PHTF1: variants seen among roughly 807,000 people sequenced by gnomAD.
PHTF1 encodes the protein putative homeodomain transcription factor 1.
A neutral mutation model predicts 102.4 loss-of-function variants in PHTF1; 88 were observed. That is an observed-to-expected ratio of 0.86 (90% CI 0.72 to 1.03). The LOEUF is 1.03. Ranked by LOEUF, PHTF1 falls within the 50% of genes least tolerant of loss-of-function variation. The pLI is 0.00. For synonymous variants in PHTF1, 289 were observed against 305.2 expected (o/e 0.95, Z 0.55); for missense variants, 814 against 909.5 (o/e 0.89, Z 1.35).
chr1:113,731,902 TAAAAAAAA>T (rs562312013), intron 5 of PHTF1, among the ~76,000 whole-genome samples: 3 of 109,328 alleles, frequency 2.7e-5, no homozygotes, highest in South Asian at 2.8e-4. Context: ...GTCTCAATTT[TAAAAAAAA>T]AAAAAAAAAA....
intron 16 of PHTF1, 58 bp from the exon 17 acceptor site, chr1:113,699,857 T>A: frequency 1.3e-6 from 1 of 742,268 alleles, no homozygotes; most frequent in Non-Finnish European, 2.2e-6. Flanking sequence ...ATATACTGCA[T>A]AAAATCTGGC....
At chr1:113,755,401 A>G (rs1377853338) in intron 3 of PHTF1, among the ~76,000 whole-genome samples, 3 of 152,200 alleles carry the variant, frequency 2.0e-5, no homozygotes, top group Admixed American at 1.3e-4. Flanking sequence ...CACCTAGTAC[A>G]AGAGTGGCAC....
intron 7 of PHTF1, among the ~76,000 whole-genome samples, chr1:113,723,341 A>T (rs1230641): frequency 0.012 from 1,859 of 152,072 alleles, 48 homozygotes; most frequent in African/African-American, 0.043. Context: ...CCACGCCCGG[A>T]TAATTCTTGT....
chr1:113,737,407 C>T (rs980861580), intron 5 of PHTF1, among the ~76,000 whole-genome samples: 2 of 152,224 alleles, frequency 1.3e-5, no homozygotes, highest in African/African-American at 4.8e-5. Flanking sequence ...GTCTGAAGTG[C>T]AGCGGAGAGA....
At chr1:113,713,465 T>C (rs1240718271) in intron 7 of PHTF1, 27 bp from the exon 8 acceptor site, 1 of 1,353,456 alleles carries the variant, frequency 7.4e-7, no homozygotes, top group Admixed American at 2.2e-5. Context: ...GAAAAGAAGA[T>C]TAATTTTTTG....
At chr1:113,742,976 T>G (rs1446436946) in intron 3 of PHTF1, among the ~76,000 whole-genome samples, 3 of 151,872 alleles carry the variant, frequency 2.0e-5, no homozygotes, top group African/African-American at 7.3e-5. Context: ...TTTTTGTTGT[T>G]GTTGTTGTTG....
intron 3 of PHTF1, 127 bp downstream of exon 3, chr1:113,757,572 T>C (rs2101749583): frequency 3.0e-6 from 2 of 676,754 alleles, no homozygotes; most frequent in East Asian, 5.4e-5. Flanking sequence ...GCACTGCTTT[T>C]CTTATAACCT....
chr1:113,753,848 T>C (rs559898332), intron 3 of PHTF1, among the ~76,000 whole-genome samples: 2 of 152,128 alleles, frequency 1.3e-5, no homozygotes, highest in Admixed American at 1.3e-4. Flanking sequence ...CTAACTTATT[T>C]TTTGTAGAGA....
chr1:113,714,883 G>A (rs553715993), intron 7 of PHTF1: 1 of 152,476 alleles, frequency 6.6e-6, no homozygotes, highest in Non-Finnish European at 1.5e-5. Flanking sequence ...ATGGCCACAG[G>A]GGTGCTGTGT....
intron 5 of PHTF1, among the ~76,000 whole-genome samples, chr1:113,737,741 G>C (rs1263405003): frequency 6.6e-6 from 1 of 152,186 alleles, no homozygotes; most frequent in Admixed American, 6.5e-5. Flanking sequence ...CAAGGCTGCA[G>C]TGAGCTGTGA....
chr1:113,755,505 C>T (rs547305699), intron 3 of PHTF1, among the ~76,000 whole-genome samples: 13 of 152,134 alleles, frequency 8.5e-5, no homozygotes, highest in African/African-American at 1.9e-4. Context: ...TTCCCACCGC[C>T]GCTAAATTTA....
At chr1:113,744,080 C>A (rs888333201) in intron 3 of PHTF1, among the ~76,000 whole-genome samples, 3 of 152,216 alleles carry the variant, frequency 2.0e-5, no homozygotes, top group Non-Finnish European at 4.4e-5. Context: ...TCCTTACTGG[C>A]CACAACCTCT....
At chr1:113,701,829 A>G (rs1313083409) in intron 15 of PHTF1, among the ~76,000 whole-genome samples, 20 of 87,426 alleles carry the variant, frequency 2.3e-4, no homozygotes, top group African/African-American at 9.8e-4. Flanking sequence ...TTCCTGGTAA[A>G]AAAAAAAAAA....
At chr1:113,738,382 A>G (rs755290102) in intron 4 of PHTF1, 114 bp from the exon 5 acceptor site, 7 of 715,088 alleles carry the variant, frequency 9.8e-6, no homozygotes, top group Non-Finnish European at 1.6e-5. Flanking sequence ...AAACCTGTTC[A>G]GTTAAAAAAA....
intron 1 of PHTF1, 77 bp from the exon 2 acceptor site, chr1:113,758,810 C>A: frequency 6.7e-7 from 1 of 1,495,260 alleles, no homozygotes; most frequent in South Asian, 1.3e-5. Context: ...ACGCGAAAAC[C>A]GCTTCTCTCA....
chr1:113,703,224 A>C (rs1000701465), intron 15 of PHTF1, among the ~76,000 whole-genome samples: 2 of 152,238 alleles, frequency 1.3e-5, no homozygotes, highest in African/African-American at 4.8e-5. Flanking sequence ...TCAATGTGCT[A>C]ATGGAAAATT....
intron 11 of PHTF1, among the ~76,000 whole-genome samples, chr1:113,709,592 T>C (rs376918373): frequency 2.0e-5 from 3 of 152,254 alleles, no homozygotes; most frequent in Admixed American, 6.5e-5. Context: ...AAGAGGCCAA[T>C]TGATCATCTG....
chr1:113,743,487 G>T (rs976796193), intron 3 of PHTF1, among the ~76,000 whole-genome samples: 3 of 151,992 alleles, frequency 2.0e-5, no homozygotes, highest in African/African-American at 7.2e-5. Flanking sequence ...TAAATAGAAG[G>T]AGTCCACTCT....
At chr1:113,733,579 T>C (rs555307064) in intron 5 of PHTF1, among the ~76,000 whole-genome samples, 1 of 152,240 alleles carries the variant, frequency 6.6e-6, no homozygotes, top group South Asian at 2.1e-4. Context: ...GGCAGAGCTC[T>C]CATGAATGAG....
Sources: gnomAD v4.1 joint callset for allele counts (sites outside exome capture counted in the v4.1 genomes callset) on GRCh38, gnomAD v4.1.1 for gene constraint, MANE v1.5 for transcripts, NCBI Gene and HGNC (gene_info 2026-07-23, HGNC 2026-07-21) for gene names.